The following SLC38A8 variants were observed in gnomAD, a reference collection of about 807,000 sequenced individuals.
SLC38A8 encodes solute carrier family 38 member 8, also known as amino acid transporter SLC38A8.
Under a neutral mutation model 46.0 loss-of-function variants are expected in SLC38A8, and 65 were observed. That is an observed-to-expected ratio of 1.41 (90% CI 1.16 to 1.74). SLC38A8 has a LOEUF of 1.74. SLC38A8 is among the 40% of genes most tolerant of loss of function. The probability of loss-of-function intolerance (pLI) is 0.00; values close to 1 mark genes in which losing one functional copy is unlikely to be tolerated. For missense variants in SLC38A8, 998 were observed against 567.9 expected (o/e 1.76, Z -7.70); for synonymous variants, 447 against 243.7 (o/e 1.83, Z -7.77).
intron 10 of SLC38A8, among the ~76,000 whole-genome samples, chr16:84,011,253 G>C (rs1011317489): frequency 6.6e-6 from 1 of 152,196 alleles, no homozygotes; most frequent in African/African-American, 2.4e-5. Context: ...AAAATATCTT[G>C]AAAGCTCATC....
chr16:84,042,451 T>G, intron 1 of SLC38A8, 100 bp downstream of exon 1: 6 of 269,220 alleles, frequency 2.2e-5, no homozygotes, highest in Non-Finnish European at 3.5e-5. Context: ...ACCCCCAACC[T>G]TCCTCATCCC....
Position 84,017,056 on chromosome 16 carries a change from G to A in SLC38A8, c.953+84C>T, listed in dbSNP as rs554232618. 367 of 1,547,332 alleles carry A rather than the reference G, an allele frequency of 2.4e-4. 3 individuals are homozygous for A. The South Asian group carries it at 3.4e-3, about 14-fold the overall frequency. On this transcript the variant is annotated intron_variant, in intron 8 of 10. Coordinates refer to ENST00000299709, the MANE Select transcript of SLC38A8 (RefSeq NM_001080442.3). ...GAGAGGATGGTAGTCCCACAGCCGC[G>A]TAGCCCACACCTGGTACATGCTCAA...
chr16:84,024,075 C>T lies in SLC38A8; in HGVS notation c.691-1186G>A, dbSNP rs78061071. ...GGGGGTGTTGTGCAGTGTCCCTGGCCGGGACCTACTACATGCCAGTAACAG... is the reference window on the plus strand; with the variant it reads ...GGGGGTGTTGTGCAGTGTCCCTGGCTGGGACCTACTACATGCCAGTAACAG... On this transcript the variant is annotated intron_variant, in intron 6 of 10. Transcript: ENST00000299709. 6.6e-4 allele frequency among the ~76,000 whole-genome samples: 100 copies of T among 152,264 alleles called. 1 individual carries two copies. The East Asian group carries it at 0.014, about 22-fold the overall frequency.
chr16:84,012,972 G>C (rs368391947), intron 10 of SLC38A8, 29 bp downstream of exon 10: 2 of 1,613,106 alleles, frequency 1.2e-6, no homozygotes, highest in Non-Finnish European at 1.7e-6. Context: ...GGCACACCCA[G>C]GGTGCCACCT....
chr16:84,014,362 G>T (rs376238627), intron 9 of SLC38A8, among the ~76,000 whole-genome samples: 22 of 150,836 alleles, frequency 1.5e-4, no homozygotes, highest in African/African-American at 5.4e-4. Context: ...AACTGAGGGA[G>T]GAGTCGTGTG....
Position 84,017,186 on chromosome 16 carries a change from CA to C in SLC38A8, c.906del (p.Phe302LeufsTer6). 3.1e-6 allele frequency: 5 copies of C among 1,614,054 alleles called. No individual in the cohort carries two copies. Among genetic ancestry groups the C allele is most frequent in the Non-Finnish European group, 4.2e-6 (5 of 1,180,008 alleles). On this transcript the variant is annotated frameshift_variant, in exon 8 of 11. Coordinates refer to ENST00000299709, the MANE Select transcript of SLC38A8 (RefSeq NM_001080442.3). LOFTEE classifies it high-confidence loss of function. ...DMVIIVARVL[F>X]AVSIVTVYPI... is the part of the protein sequence containing the mutation. ...GGGTAGACAGTTACGATGGAGACAG[CA>C]AAAAGGACCCGGGCCACAATGATGA... is the stretch of plus-strand genomic sequence containing the variant.
At chr16:84,013,248 A>G (rs13335951) in intron 9 of SLC38A8, among the ~76,000 whole-genome samples, 196 bp from the exon 10 acceptor site, 38,649 of 151,788 alleles carry the variant, frequency 0.25, 7,121 homozygotes, top group African/African-American at 0.53. Flanking sequence ...ACATGCCCTA[A>G]TGACTTAGGC....
intron 5 of SLC38A8, among the ~76,000 whole-genome samples, chr16:84,030,262 G>T (rs1567699726): frequency 6.6e-6 from 1 of 152,072 alleles, no homozygotes; most frequent in Non-Finnish European, 1.5e-5. Flanking sequence ...GTCTTCGGAG[G>T]GAGCATGGCC....
At chr16:84,012,865 C>T in intron 10 of SLC38A8, 136 bp downstream of exon 10, 1 of 986,866 alleles carries the variant, frequency 1.0e-6, no homozygotes, top group Non-Finnish European at 1.5e-6. Flanking sequence ...TAGACAGAGA[C>T]TCTCTTCCTG....
intron 5 of SLC38A8, 117 bp downstream of exon 5, chr16:84,031,750 G>A (rs903981349): frequency 6.0e-6 from 5 of 835,188 alleles, no homozygotes; most frequent in Admixed American, 2.2e-5. Flanking sequence ...GAACTGGAAG[G>A]AAGGAGCCCA....
At chr16:84,016,472 G>A in intron 9 of SLC38A8, 47 bp downstream of exon 9, 1 of 1,595,802 alleles carries the variant, frequency 6.3e-7, no homozygotes. Flanking sequence ...ACAGAGATGA[G>A]CAGGGAAGAA....
rs189649981 is a variant in SLC38A8, at chr16:84,039,680, G to A, written c.189+2289C>T. Reference sequence around the variant, plus strand: ...GGAGAATCGCTTGAACCAGGGAGGCGGAGGTTGCAGTGAGCTGAGATCACG... The same window carrying A: ...GGAGAATCGCTTGAACCAGGGAGGCAGAGGTTGCAGTGAGCTGAGATCACG... On this transcript the variant is annotated intron_variant, in intron 2 of 10. Coordinates refer to ENST00000299709, the MANE Select transcript of SLC38A8 (RefSeq NM_001080442.3). Among the ~76,000 whole-genome samples the A allele has an allele frequency of 6.5e-4, 99 of 151,314 alleles. 1 individual carries two copies. The highest frequency in any genetic ancestry group is 1.5e-3 in the African/African-American group (62 of 41,152).
chr16:84,037,295 G>C (rs887196093), intron 2 of SLC38A8, among the ~76,000 whole-genome samples: 1 of 152,246 alleles, frequency 6.6e-6, no homozygotes, highest in Non-Finnish European at 1.5e-5. Context: ...GCACAGCCGG[G>C]CTCAGGTTCT....
rs73247357 is a variant in SLC38A8, at chr16:84,030,204, G to A, written c.633-653C>T. The stretch of plus-strand genomic sequence containing the variant: ...GTCTATCAGCCAAGGAACACAGATC[G>A]CCGCGGCCCCCAGAAGCAGGAAGAG... On this transcript the variant is annotated intron_variant, in intron 5 of 10. Coordinates refer to ENST00000299709, the MANE Select transcript of SLC38A8 (RefSeq NM_001080442.3). Among the ~76,000 whole-genome samples, 508 of 152,230 alleles carry A rather than the reference G, an allele frequency of 3.3e-3. 3 individuals are homozygous for A. Among genetic ancestry groups the A allele is most frequent in the African/African-American group, 0.011 (457 of 41,532 alleles).
chr16:84,013,877 G>T (rs1009839823), intron 9 of SLC38A8, among the ~76,000 whole-genome samples: 3 of 152,172 alleles, frequency 2.0e-5, no homozygotes, highest in Non-Finnish European at 4.4e-5. Flanking sequence ...CTGGCCACCT[G>T]GTCACAGCAT....
chr16:84,016,822 C>T (rs2085032734), intron 8 of SLC38A8, 95 bp from the exon 9 acceptor site: 7 of 1,314,508 alleles, frequency 5.3e-6, no homozygotes, highest in East Asian at 2.5e-5. Context: ...TCCCCTCACA[C>T]CTGTCAGTGC....
chr16:84,016,542 G>C lies in SLC38A8; in HGVS notation c.1139C>G (p.Ser380Cys). The change falls in exon 9 of 11, where the codon TCC (serine) becomes TGC (cysteine). Residue 380 changes from serine to cysteine, a missense_variant. By Grantham distance (112) the Ser-to-Cys change is moderately radical (BLOSUM62 -1). Coordinates refer to ENST00000299709, the MANE Select transcript of SLC38A8 (RefSeq NM_001080442.3). ...ACCTGGGAAGATGAAGATGAAGAAG[G>C]AACTGATGCCTCCGATGATGCTGAC... is the stretch of plus-strand genomic sequence containing the variant. The part of the protein sequence containing the change: ...EIVSIIGGIS[S>C]FFIFIFPGLC... The C allele has an allele frequency of 3.7e-6, 6 of 1,614,046 alleles. No homozygotes were observed. The highest frequency in any genetic ancestry group is 5.1e-6 in the Non-Finnish European group (6 of 1,179,976).
chr16:84,039,056 G>T (rs947633755), intron 2 of SLC38A8, among the ~76,000 whole-genome samples: 9 of 152,106 alleles, frequency 5.9e-5, no homozygotes, highest in African/African-American at 2.2e-4. Context: ...GGATCTGGTG[G>T]GCCCTCAACC....
chr16:84,018,939 A>G (rs778019168), intron 7 of SLC38A8, among the ~76,000 whole-genome samples: 6 of 152,136 alleles, frequency 3.9e-5, no homozygotes, highest in Non-Finnish European at 7.4e-5. Flanking sequence ...CATTGCAGCC[A>G]GAAGTCCCGC....
Sources: allele counts gnomAD v4.1 joint callset (sites outside exome capture counted in the v4.1 genomes callset), GRCh38; gene constraint gnomAD v4.1.1; transcripts MANE v1.5; gene names NCBI Gene and HGNC (gene_info 2026-07-23, HGNC 2026-07-21).